The following FGF14 variants were observed in gnomAD, a reference collection of about 807,000 sequenced individuals.
FGF14 encodes the protein fibroblast growth factor 14.
Under a neutral mutation model 25.5 loss-of-function variants are expected in FGF14, and 5 were observed. The ratio of observed to expected loss-of-function variants is 0.20; its 90% CI spans 0.10 to 0.41. The LOEUF is 0.41. FGF14 is among the 10% of genes least tolerant of loss of function. The pLI, the probability that FGF14 is intolerant of heterozygous loss-of-function variation, is 1.00. For missense variants in FGF14, 222 were observed against 320.1 expected (o/e 0.69, Z 2.34); for synonymous variants, 138 against 118.3 (o/e 1.17, Z -1.08).
chr13:102,061,352 G>A (rs1407807154), intron 1 of FGF14, among the ~76,000 whole-genome samples: 2 of 152,200 alleles, frequency 1.3e-5, no homozygotes, highest in East Asian at 1.9e-4. Flanking sequence ...AGATGCCGCC[G>A]TGGGGCAGAG....
chr13:101,948,470 A>AAAAT (rs987611326), intron 1 of FGF14, among the ~76,000 whole-genome samples: 6 of 146,044 alleles, frequency 4.1e-5, no homozygotes, highest in South Asian at 4.2e-4. Flanking sequence ...ATAATAAAAA[A>AAAAT]ATATATATAT....
chr13:101,825,756 T>C (rs373080387), intron 3 of FGF14, among the ~76,000 whole-genome samples: 8 of 152,250 alleles, frequency 5.3e-5, no homozygotes, highest in African/African-American at 1.9e-4. Flanking sequence ...TTAAAATACA[T>C]TGAGATTCAA....
At chr13:102,393,295 T>C (rs1417111475) in intron 1 of FGF14, among the ~76,000 whole-genome samples, 1 of 152,216 alleles carries the variant, frequency 6.6e-6, no homozygotes, top group Admixed American at 6.5e-5. Flanking sequence ...AGAACTCTTC[T>C]TCACCCCTGT....
intron 1 of FGF14, among the ~76,000 whole-genome samples, chr13:102,260,446 G>A (rs1010483202): frequency 1.3e-5 from 2 of 152,176 alleles, no homozygotes; most frequent in Non-Finnish European, 2.9e-5. Context: ...CAGCCTGCTG[G>A]GCTCCCTAGA....
At chr13:101,936,666 T>C (rs1047175866) in intron 1 of FGF14, among the ~76,000 whole-genome samples, 3 of 152,200 alleles carry the variant, frequency 2.0e-5, no homozygotes, top group African/African-American at 7.2e-5. Flanking sequence ...AGCTGCCTTC[T>C]TCCTAAAGTT....
rs2036976264 is a variant in FGF14 at position 101,963,224 on chromosome 13, T to C, written c.209-87928A>G. The stretch of plus-strand genomic sequence containing the variant: ...CAACCAACCTACATCTGACGATTGC[T>C]TCGTGTTTTCACACTTGTGACTCTT... On this transcript the variant is annotated intron_variant, in intron 1 of 4. Transcript: ENST00000376131. Among the ~76,000 whole-genome samples, 2 of 152,256 alleles carry C rather than the reference T, an allele frequency of 1.3e-5. 1 individual carries two copies. The highest frequency in any genetic ancestry group is 4.8e-5 in the African/African-American group (2 of 41,474).
chr13:101,805,094 C>T (rs909336484), intron 3 of FGF14, among the ~76,000 whole-genome samples: 1 of 152,026 alleles, frequency 6.6e-6, no homozygotes, highest in African/African-American at 2.4e-5. Flanking sequence ...TGACTATAAG[C>T]AGGTGATATT....
chr13:101,805,615 A>G (rs1330129869), intron 3 of FGF14, among the ~76,000 whole-genome samples: 1 of 152,192 alleles, frequency 6.6e-6, no homozygotes, highest in African/African-American at 2.4e-5. Flanking sequence ...AATAGCTTCC[A>G]GTCTCTGCTA....
At chr13:101,903,893 A>AT (rs1007611992) in intron 1 of FGF14, among the ~76,000 whole-genome samples, 1 of 152,100 alleles carries the variant, frequency 6.6e-6, no homozygotes, top group Admixed American at 6.5e-5. Flanking sequence ...TACAGGTGCA[A>AT]TTTTGTTACA....
chr13:102,212,392 A>C (rs557619001), intron 1 of FGF14, among the ~76,000 whole-genome samples: 2 of 152,274 alleles, frequency 1.3e-5, no homozygotes, highest in East Asian at 3.9e-4. Flanking sequence ...AAGGGATCTC[A>C]AAGCATCTCT....
At chr13:102,050,136 C>T (rs2042157187) in intron 1 of FGF14, among the ~76,000 whole-genome samples, 2 of 152,240 alleles carry the variant, frequency 1.3e-5, no homozygotes, top group South Asian at 2.1e-4. Flanking sequence ...GTCCAAGGTA[C>T]TTTATTTCCT....
At chr13:101,814,671 A>G (rs1444280180) in intron 3 of FGF14, among the ~76,000 whole-genome samples, 1 of 152,210 alleles carries the variant, frequency 6.6e-6, no homozygotes, top group African/African-American at 2.4e-5. Context: ...GGAATCATAT[A>G]ATATTTAGTG....
At chr13:102,383,355 G>GA (rs1214884550) in intron 1 of FGF14, among the ~76,000 whole-genome samples, 2 of 151,990 alleles carry the variant, frequency 1.3e-5, no homozygotes, top group Admixed American at 6.6e-5. Context: ...ATATTTAAAA[G>GA]AAAAAATGCA....
intron 1 of FGF14, among the ~76,000 whole-genome samples, chr13:102,078,046 A>AAT (rs1248614517): frequency 1.3e-5 from 2 of 152,170 alleles, no homozygotes; most frequent in Non-Finnish European, 2.9e-5. Context: ...TAGAAAAACA[A>AAT]ATACTGCATG....
intron 1 of FGF14, among the ~76,000 whole-genome samples, chr13:102,082,463 C>G (rs1246534793): frequency 6.6e-6 from 1 of 152,150 alleles, no homozygotes. Context: ...ACCAGAGTCA[C>G]AACCAGAAAA....
chr13:101,756,645 A>T (rs2037678042), intron 3 of FGF14, among the ~76,000 whole-genome samples: 1 of 152,198 alleles, frequency 6.6e-6, no homozygotes, highest in Non-Finnish European at 1.5e-5. Flanking sequence ...AGGCAGGAGA[A>T]CTGCTTGAAT....
intron 1 of FGF14, among the ~76,000 whole-genome samples, chr13:101,957,012 T>C (rs2036557971): frequency 6.6e-6 from 1 of 152,146 alleles, no homozygotes; most frequent in Non-Finnish European, 1.5e-5. Context: ...ATATAATCAA[T>C]ATATTCAAGA....
At chr13:101,879,704 T>C (rs2045592780) in intron 1 of FGF14, among the ~76,000 whole-genome samples, 1 of 152,146 alleles carries the variant, frequency 6.6e-6, no homozygotes, top group Non-Finnish European at 1.5e-5. Context: ...TCAGTACTAA[T>C]TGGTTATCAG....
At chr13:102,157,383 A>G (rs1180882323) in intron 1 of FGF14, among the ~76,000 whole-genome samples, 1 of 152,232 alleles carries the variant, frequency 6.6e-6, no homozygotes, top group East Asian at 1.9e-4. Flanking sequence ...TCTTTGACAA[A>G]CCTGACAAAA....
Sources: allele counts gnomAD v4.1 joint callset (sites outside exome capture counted in the v4.1 genomes callset), GRCh38; gene constraint gnomAD v4.1.1; transcripts MANE v1.5; gene names NCBI Gene and HGNC (gene_info 2026-07-23, HGNC 2026-07-21).